PTPN14: variants seen among roughly 807,000 people sequenced by gnomAD.
PTPN14 encodes the protein protein tyrosine phosphatase non-receptor type 14.
Under a neutral mutation model 126.8 loss-of-function variants are expected in PTPN14, and 53 were observed. The ratio of observed to expected loss-of-function variants is 0.42; its 90% CI spans 0.34 to 0.53. The LOEUF is 0.53. PTPN14 is among the 20% of genes least tolerant of loss of function. The probability of loss-of-function intolerance (pLI) is 0.08; values close to 1 mark genes in which losing one functional copy is unlikely to be tolerated. For missense variants in PTPN14, 1,257 were observed against 1,552.9 expected, an observed-to-expected ratio of 0.81 and a Z score of 3.20; for synonymous variants, 630 against 599.3, an observed-to-expected ratio of 1.05 and a Z score of -0.75.
At position 214,350,619 on chromosome 1, in the gene PTPN14, C is replaced by A. The variant is rs1390361498; in HGVS notation, c.*7303G>T. The A allele has an allele frequency of 7.0e-6, 1 of 142,628 alleles. No homozygotes were observed. The highest frequency in any genetic ancestry group is 1.5e-5 in the Non-Finnish European group (1 of 66,740). 8.8% of individuals were successfully genotyped at this position (142,628 alleles called of 1,614,324 possible). On this transcript the variant is annotated 3_prime_UTR_variant, in exon 19 of 19. Transcript: ENST00000366956. Reference sequence around the variant, plus strand: ...GCAGTGGCATGATCTCGGCTCACTGCAACCTCCACCTCCCGGGTTCAAGCA... The same window carrying A: ...GCAGTGGCATGATCTCGGCTCACTGAAACCTCCACCTCCCGGGTTCAAGCA...
chr1:214,515,587 A>C (rs1655079697), intron 1 of PTPN14, among the ~76,000 whole-genome samples: 1 of 152,148 alleles, frequency 6.6e-6, no homozygotes, highest in Non-Finnish European at 1.5e-5. Context: ...CTTCCAATTC[A>C]TAAGTAGGGA....
chr1:214,464,478 AGAATAACAG>A, intron 2 of PTPN14, 143 bp downstream of exon 2: 1 of 1,050,500 alleles, frequency 9.5e-7, no homozygotes, highest in Non-Finnish European at 1.3e-6. Flanking sequence ...AGCCGTGCTA[AGAATAACAG>A]GATTCTTATA....
At chr1:214,523,468 A>T (rs762146796) in intron 1 of PTPN14, among the ~76,000 whole-genome samples, 1 of 152,234 alleles carries the variant, frequency 6.6e-6, no homozygotes, top group Non-Finnish European at 1.5e-5. Flanking sequence ...GTACAGTAAC[A>T]TGCTATACAG....
chr1:214,537,463 A>AG (rs1655736251), intron 1 of PTPN14, among the ~76,000 whole-genome samples: 2 of 152,224 alleles, frequency 1.3e-5, no homozygotes, highest in African/African-American at 4.8e-5. Flanking sequence ...TACCAGCTGT[A>AG]GGATCTTGTG....
At chr1:214,477,309 T>G (rs1445603239) in intron 1 of PTPN14, among the ~76,000 whole-genome samples, 3 of 152,150 alleles carry the variant, frequency 2.0e-5, no homozygotes, top group Admixed American at 6.6e-5. Context: ...AAACAAAGCT[T>G]CTAAACAGAC....
At chr1:214,428,484 G>A (rs1659719531) in intron 3 of PTPN14, among the ~76,000 whole-genome samples, 1 of 152,198 alleles carries the variant, frequency 6.6e-6, no homozygotes, top group Non-Finnish European at 1.5e-5. Context: ...CATTTTAAAA[G>A]AGGAAGTATC....
At chr1:214,422,839 G>A (rs1230884729) in intron 3 of PTPN14, among the ~76,000 whole-genome samples, 1 of 152,176 alleles carries the variant, frequency 6.6e-6, no homozygotes, top group African/African-American at 2.4e-5. Context: ...CCTTTTCACA[G>A]GTAAGCAACT....
intron 3 of PTPN14, among the ~76,000 whole-genome samples, chr1:214,425,910 G>A (rs531420917): frequency 2.4e-4 from 37 of 152,020 alleles, no homozygotes; most frequent in African/African-American, 8.9e-4. Flanking sequence ...GGGAAACGGA[G>A]GCTCCCAGGG....
intron 5 of PTPN14, among the ~76,000 whole-genome samples, chr1:214,405,708 C>T (rs1659151475): frequency 6.6e-6 from 1 of 151,544 alleles, no homozygotes; most frequent in South Asian, 2.1e-4. Flanking sequence ...GTGCTAATAA[C>T]AATAATAATA....
intron 7 of PTPN14, among the ~76,000 whole-genome samples, chr1:214,400,878 A>T (rs535296460): frequency 2.6e-5 from 4 of 152,314 alleles, no homozygotes; most frequent in African/African-American, 9.6e-5. Context: ...CATTAAGGCA[A>T]ATTGCAAACG....
At chr1:214,447,766 C>T (rs1323998790) in intron 3 of PTPN14, among the ~76,000 whole-genome samples, 1 of 152,164 alleles carries the variant, frequency 6.6e-6, no homozygotes, top group African/African-American at 2.4e-5. Flanking sequence ...ACATTCTTTG[C>T]CATAAAGAGT....
In PTPN14 at chr1:214,520,065, A is replaced by AAAATATATAT; in HGVS notation, c.-155+31117_-155+31118insATATATATTT. The stretch of plus-strand genomic sequence containing the variant: ...CCTGTCTCAAAAAAAAAAAAAAAAA[A>AAAATATATAT]ATATATATATATATATATGCAGAAT... On this transcript the variant is annotated intron_variant, in intron 1 of 18. Transcript: ENST00000366956. 1.2e-3 allele frequency among the ~76,000 whole-genome samples: 87 copies of AAAATATATAT among 71,104 alleles called. 1 individual carries two copies. Among genetic ancestry groups the AAAATATATAT allele is most frequent in the African/African-American group, 6.0e-3 (82 of 13,684 alleles). 46.6% of individuals were successfully genotyped at this position (71,104 alleles called of 152,430 possible).
intron 1 of PTPN14, among the ~76,000 whole-genome samples, chr1:214,541,661 C>G (rs1655840408): frequency 6.6e-6 from 1 of 152,146 alleles, no homozygotes; most frequent in Admixed American, 6.5e-5. Context: ...TTTACCTGTC[C>G]ATTTCCTACC....
At chr1:214,404,842 C>T (rs1659125110) in intron 5 of PTPN14, among the ~76,000 whole-genome samples, 1 of 152,184 alleles carries the variant, frequency 6.6e-6, no homozygotes, top group African/African-American at 2.4e-5. Context: ...TCAAACACAG[C>T]CATTCATCCT....
At chr1:214,490,734 G>C (rs1661210447) in intron 1 of PTPN14, among the ~76,000 whole-genome samples, 1 of 150,434 alleles carries the variant, frequency 6.6e-6, no homozygotes, top group Admixed American at 6.6e-5. Flanking sequence ...CTACTTCGGA[G>C]GCTACAGCAG....
rs1491174567 is a variant in PTPN14, at chr1:214,402,666, GAA to G, written c.581+215_581+216del. Among the ~76,000 whole-genome samples the G allele has an allele frequency of 1.7e-4, 23 of 135,344 alleles. 1 individual carries two copies. The highest frequency in any genetic ancestry group is 3.6e-3 in the Middle Eastern group (1 of 278). The allele number at this position is 135,344 out of a possible 152,430, so 88.8% of individuals were successfully genotyped here. A position where few individuals can be genotyped will look rare whatever the true frequency, so the allele number is the denominator to read the frequency against. ...GGAAGGAAGGAAGGAAGGAAGGAAG[GAA>G]GGAAGGAAGGGAGGGAGGGAAGGAA... On this transcript the variant is annotated intron_variant, in intron 6 of 18. Coordinates refer to ENST00000366956, the MANE Select transcript of PTPN14 (RefSeq NM_005401.5).
intron 2 of PTPN14, among the ~76,000 whole-genome samples, chr1:214,457,754 T>C (rs772542019): frequency 4.6e-5 from 7 of 152,214 alleles, no homozygotes; most frequent in Non-Finnish European, 7.3e-5. Flanking sequence ...CAAAATATCA[T>C]TGCAACCTGT....
chr1:214,532,433 G>A (rs1212860319), intron 1 of PTPN14: 1 of 770,820 alleles, frequency 1.3e-6, no homozygotes, highest in Non-Finnish European at 2.3e-6. Flanking sequence ...AGGAGACCAT[G>A]CAAAGCCTGA....
intron 1 of PTPN14, among the ~76,000 whole-genome samples, chr1:214,476,064 G>T (rs1379694197): frequency 6.6e-6 from 1 of 152,162 alleles, no homozygotes; most frequent in African/African-American, 2.4e-5. Flanking sequence ...CATGGTGGAG[G>T]GGGCCCTGAG....
Sources: gnomAD v4.1 joint callset for allele counts (sites outside exome capture counted in the v4.1 genomes callset) on GRCh38, gnomAD v4.1.1 for gene constraint, MANE v1.5 for transcripts, NCBI Gene and HGNC (gene_info 2026-07-23, HGNC 2026-07-21) for gene names.